The following USP9X variants were observed in gnomAD, a reference collection of about 807,000 sequenced individuals.
USP9X encodes the protein ubiquitin carboxyl-terminal hydrolase 9X.
In USP9X, 7 loss-of-function variants were observed where a neutral mutation model predicts 190.3. The ratio of observed to expected loss-of-function variants is 0.04; its 90% CI spans 0.02 to 0.07. The LOEUF (loss-of-function observed/expected upper bound fraction) is 0.07, where lower values mean the gene tolerates loss of function less well. USP9X is among the 10% of genes least tolerant of loss of function. The pLI, the probability that USP9X is intolerant of heterozygous loss-of-function variation, is 1.00. For missense variants in USP9X, 1,010 were observed against 1,916.9 expected (o/e 0.53, Z 8.83); for synonymous variants, 645 against 659.5 (o/e 0.98, Z 0.34).
At chrX:41,214,364 C>G (rs140014479) in intron 33 of USP9X, among the ~76,000 whole-genome samples, 1 of 110,923 alleles carries the variant, frequency 9.0e-6, no homozygotes, top group Non-Finnish European at 1.9e-5. Context: ...TTACGGGTTT[C>G]GCATTATAAA....
intron 23 of USP9X, among the ~76,000 whole-genome samples, chrX:41,186,020 C>CA (rs2062871586): frequency 9.0e-6 from 1 of 111,523 alleles, no homozygotes; most frequent in African/African-American, 3.3e-5. Context: ...ATTAATCTGT[C>CA]ACTGATTTAA....
chrX:41,141,455 T>C, intron 9 of USP9X, 24 bp downstream of exon 9: 2 of 1,142,613 alleles, frequency 1.8e-6, no homozygotes, highest in Non-Finnish European at 2.3e-6. Flanking sequence ...TTCTTCTTCA[T>C]AGGAATAAGA....
chrX:41,214,499 T>G, intron 33 of USP9X, 69 bp from the exon 34 acceptor site: 19 of 1,010,992 alleles, frequency 1.9e-5, no homozygotes, highest in Non-Finnish European at 2.2e-5. Flanking sequence ...CAAATGTAGT[T>G]TACATTAAGT....
At chrX:41,108,955 A>G (rs1240704453) in intron 1 of USP9X, among the ~76,000 whole-genome samples, 2 of 110,688 alleles carry the variant, frequency 1.8e-5, no homozygotes, top group African/African-American at 6.6e-5. Context: ...AGCCTGTGCA[A>G]CTCAAAGTTG....
At chrX:41,107,035 C>T (rs746798225) in intron 1 of USP9X, among the ~76,000 whole-genome samples, 34 of 108,331 alleles carry the variant, frequency 3.1e-4, no homozygotes, top group African/African-American at 1.0e-3. Flanking sequence ...TACAGGCGCC[C>T]GCCACCATGC....
intron 31 of USP9X, among the ~76,000 whole-genome samples, chrX:41,202,769 C>T (rs2063054352): frequency 9.0e-6 from 1 of 111,721 alleles, no homozygotes; most frequent in Non-Finnish European, 1.9e-5. Context: ...CATCATATAC[C>T]TGGGATATTG....
intron 1 of USP9X, among the ~76,000 whole-genome samples, chrX:41,111,673 T>C (rs1199425335): frequency 1.8e-5 from 2 of 110,698 alleles, no homozygotes; most frequent in African/African-American, 6.6e-5. Flanking sequence ...TCAGAGGCTC[T>C]CAGAGGTGGC....
At chrX:41,132,299 T>A (rs1238297909) in intron 4 of USP9X, among the ~76,000 whole-genome samples, 5 of 63,149 alleles carry the variant, frequency 7.9e-5, no homozygotes, top group Admixed American at 3.9e-4. Flanking sequence ...CCACTAATTT[T>A]TTTTTTTTTT....
chrX:41,223,598 C>T (rs918303487), intron 39 of USP9X, among the ~76,000 whole-genome samples, 196 bp downstream of exon 39: 10 of 110,921 alleles, frequency 9.0e-5, no homozygotes, highest in African/African-American at 2.3e-4. Flanking sequence ...CCACCACGCC[C>T]GGCTAATTTT....
intron 32 of USP9X, among the ~76,000 whole-genome samples, chrX:41,208,054 G>A (rs1310469756): frequency 9.4e-6 from 1 of 106,081 alleles, no homozygotes; most frequent in Non-Finnish European, 1.9e-5. Flanking sequence ...TTTTTTTTGA[G>A]ACAGAGTCTC....
chrX:41,151,158 G>A (rs2062521368), intron 13 of USP9X, 101 bp downstream of exon 13: 3 of 828,333 alleles, frequency 3.6e-6, no homozygotes, highest in South Asian at 3.1e-5. Context: ...TTAAATTAGT[G>A]GAGTGAGAAG....
chrX:41,168,312 GA>G, intron 18 of USP9X, 94 bp downstream of exon 18: 1 of 775,005 alleles, frequency 1.3e-6, no homozygotes, highest in Non-Finnish European at 1.7e-6. Flanking sequence ...TTTCTCGTTT[GA>G]AAATTGTTGT....
intron 1 of USP9X, among the ~76,000 whole-genome samples, chrX:41,097,228 C>G (rs1330841935): frequency 8.9e-6 from 1 of 111,912 alleles, no homozygotes; most frequent in Admixed American, 9.5e-5. Context: ...ACATAACTTG[C>G]TAAAAAGTGA....
Position 41,168,098 on chromosome X carries a change from G to A in USP9X, c.2516G>A (p.Ser839Asn). Residue 839 changes from serine (S) to asparagine (N), a missense_variant, in exon 18 of 45, where the codon AGT (serine) becomes AAT (asparagine). Ser to Asn is a conservative substitution (Grantham distance 46). Coordinates refer to ENST00000378308, the MANE Select transcript of USP9X (RefSeq NM_001039591.3). ...TLCVLDGDKDSVNCARQEAVR... is the reference protein window; with the variant it reads ...TLCVLDGDKDNVNCARQEAVR... Reference sequence around the variant, plus strand: ...TGTGTTTTGGATGGTGACAAAGACAGTGTTAATTGTGCAAGACAGGAAGCT... The same window carrying A: ...TGTGTTTTGGATGGTGACAAAGACAATGTTAATTGTGCAAGACAGGAAGCT... The A allele has an allele frequency of 8.3e-7, 1 of 1,211,504 alleles. No individual in the cohort carries two copies. The highest frequency in any genetic ancestry group is 1.1e-6 in the Non-Finnish European group (1 of 895,218).
chrX:41,165,907 C>G lies in USP9X; in HGVS notation c.2021C>G (p.Ala674Gly). 1 of 1,211,047 alleles carries G rather than the reference C, an allele frequency of 8.3e-7. No homozygotes were observed. The highest frequency in any genetic ancestry group is 1.1e-6 in the Non-Finnish European group (1 of 895,144). The change falls in exon 16 of 45, where the codon GCT (alanine) becomes GGT (glycine). Residue 674 changes from alanine (A) to glycine (G), a missense_variant. Transcript: ENST00000378308. ...AAGGATGGTCAGCTGTGGCTATGTG[C>G]TCCTCAGGCAAAACAAATATGGAAA... ...LLKDGQLWLC[A>G]PQAKQIWKCL...
At chrX:41,230,336 G>GTTTTTTTTTTTTT (rs11348635) in intron 43 of USP9X, among the ~76,000 whole-genome samples, 165 bp from the exon 44 acceptor site, 1 of 95,846 alleles carries the variant, frequency 1.0e-5, no homozygotes, top group Non-Finnish European at 2.1e-5. Flanking sequence ...TTTTTGTTTT[G>GTTTTTTTTTTTTT]TTTTTTTTTT....
intron 10 of USP9X, among the ~76,000 whole-genome samples, chrX:41,143,738 A>G (rs1414769939): frequency 8.9e-6 from 1 of 112,280 alleles, no homozygotes; most frequent in Non-Finnish European, 1.9e-5. Flanking sequence ...GACATCTGTA[A>G]TTGGTTTCTT....
Position 41,170,254 on chromosome X carries a change from CA to C in USP9X, c.2877+20del. 1 of 1,188,535 alleles carries C rather than the reference CA, an allele frequency of 8.4e-7. No homozygotes were observed. The highest frequency in any genetic ancestry group is 2.3e-4 in the Middle Eastern group (1 of 4,263). ...TAAATCGGTATGTATGTATAGTTAA[CA>C]GATTTTTCAATAAAATCAAACCAGA... is the stretch of plus-strand genomic sequence containing the variant. On this transcript the variant is annotated intron_variant, in intron 19 of 44. Transcript: ENST00000378308.
At position 41,170,471 on chromosome X, in the gene USP9X, T is replaced by C. The variant is rs1057147897; in HGVS notation, c.2879T>C (p.Leu960Pro). ...IGQLNLKDKS[L>P]ITAKLTQISS... ...ATTAACATAGTATATAATTTTCAGC[T>C]TATTACAGCCAAACTTACACAGATA... is the stretch of plus-strand genomic sequence containing the variant. The change falls in exon 20 of 45, where the codon CTT (leucine) becomes CCT (proline). Residue 960 changes from leucine (L) to proline (P), a missense_variant and splice_region_variant. Leu to Pro is a moderately conservative substitution (Grantham distance 98). Transcript: ENST00000378308. 2 of 1,208,655 alleles carry C rather than the reference T, an allele frequency of 1.7e-6. No individual in the cohort carries two copies. The highest frequency in any genetic ancestry group is 3.5e-5 in the African/African-American group (2 of 57,651).
Sources: allele counts gnomAD v4.1 joint callset (sites outside exome capture counted in the v4.1 genomes callset), GRCh38; gene constraint gnomAD v4.1.1; transcripts MANE v1.5; gene names NCBI Gene and HGNC (gene_info 2026-07-23, HGNC 2026-07-21).